The following ISM1 variants were observed in gnomAD, a reference collection of about 807,000 sequenced individuals.
The protein encoded by ISM1 is isthmin 1.
In ISM1, 25 loss-of-function variants were observed where a neutral mutation model predicts 46.3. The observed-to-expected ratio is 0.54, with a 90% CI of 0.39 to 0.75. The LOEUF (loss-of-function observed/expected upper bound fraction) is 0.75. ISM1 is among the 30% of genes least tolerant of loss of function. ISM1 has a pLI of 0.00. For missense variants in ISM1, 536 were observed against 625.4 expected, an observed-to-expected ratio of 0.86 and a Z score of 1.52; for synonymous variants, 255 against 256.7, an observed-to-expected ratio of 0.99 and a Z score of 0.06.
Position 13,279,800 on chromosome 20 carries a change from G to GCAAC in ISM1, c.545_546insCAAC (p.Thr183AsnfsTer26). The GCAAC allele has an allele frequency of 6.2e-7, 1 of 1,614,040 alleles. No individual in the cohort carries two copies. Among genetic ancestry groups the GCAAC allele is most frequent in the Non-Finnish European group, 8.5e-7 (1 of 1,179,894 alleles). On this transcript the variant is annotated frameshift_variant, in exon 3 of 6. Coordinates refer to ENST00000262487, the MANE Select transcript of ISM1 (RefSeq NM_080826.2). LOFTEE classifies it high-confidence loss of function. The stretch of plus-strand genomic sequence containing the variant: ...GGGGACCAGGACTACAAGTACGACA[G>GCAAC]TACCTCAGACGACAGCAACTTCCTC...
intron 1 of ISM1, among the ~76,000 whole-genome samples, chr20:13,232,059 G>A (rs983750803): frequency 6.6e-6 from 1 of 152,214 alleles, no homozygotes. Flanking sequence ...CAAGGACAAA[G>A]AAACAAATAA....
intron 1 of ISM1, among the ~76,000 whole-genome samples, chr20:13,250,380 C>A (rs115901909): frequency 1.3e-5 from 2 of 152,122 alleles, no homozygotes; most frequent in Non-Finnish European, 2.9e-5. Flanking sequence ...GAATTTCACA[C>A]GTACTGAAGA....
chr20:13,315,725 C>T, the ISM1 span, among the ~76,000 whole-genome samples: 1 of 151,924 alleles, frequency 6.6e-6, no homozygotes, highest in African/African-American at 2.4e-5. Context: ...ATGAAATATT[C>T]ACCAGGACAG....
At chr20:13,263,012 T>C (rs1396844283) in intron 1 of ISM1, among the ~76,000 whole-genome samples, 1 of 152,188 alleles carries the variant, frequency 6.6e-6, no homozygotes, top group Non-Finnish European at 1.5e-5. Context: ...TCCTGAATTC[T>C]TGAGCCCATG....
intron 1 of ISM1, among the ~76,000 whole-genome samples, chr20:13,237,174 A>T (rs989856486): frequency 6.6e-6 from 1 of 152,182 alleles, no homozygotes; most frequent in Non-Finnish European, 1.5e-5. Flanking sequence ...ATACAATTCA[A>T]TTGAGATTTG....
At chr20:13,223,935 G>A (rs1440280275) in intron 1 of ISM1, among the ~76,000 whole-genome samples, 3 of 152,030 alleles carry the variant, frequency 2.0e-5, no homozygotes, top group South Asian at 2.1e-4. Flanking sequence ...AGAATAACCC[G>A]GGGTTGGCCT....
chr20:13,289,312 C>T (rs2040327951), intron 4 of ISM1, among the ~76,000 whole-genome samples: 1 of 152,230 alleles, frequency 6.6e-6, no homozygotes, highest in Non-Finnish European at 1.5e-5. Context: ...ATGAGGAAGC[C>T]AGGATGAGAG....
intron 1 of ISM1, among the ~76,000 whole-genome samples, chr20:13,227,803 C>G (rs4813119): frequency 6.6e-6 from 1 of 151,554 alleles, no homozygotes; most frequent in East Asian, 1.9e-4. Flanking sequence ...CCACCGCGCC[C>G]GGCCCCAACT....
intron 1 of ISM1, among the ~76,000 whole-genome samples, chr20:13,264,659 C>G (rs1416067291): frequency 1.3e-5 from 2 of 152,196 alleles, no homozygotes; most frequent in Non-Finnish European, 2.9e-5. Context: ...ACCTTGGTCA[C>G]AAACACAGCC....
chr20:13,309,571 A>G, the ISM1 span, among the ~76,000 whole-genome samples: 1 of 152,234 alleles, frequency 6.6e-6, no homozygotes, highest in African/African-American at 2.4e-5. Flanking sequence ...GCTTATATTC[A>G]GCACAGTTCT....
At chr20:13,325,260 T>TAG in the ISM1 span, among the ~76,000 whole-genome samples, 1 of 152,206 alleles carries the variant, frequency 6.6e-6, no homozygotes, top group Non-Finnish European at 1.5e-5. Flanking sequence ...ATCAAGAAGT[T>TAG]AGAGGTCTCA....
intron 1 of ISM1, among the ~76,000 whole-genome samples, chr20:13,233,432 C>G (rs1424117854): frequency 6.6e-6 from 1 of 151,826 alleles, no homozygotes; most frequent in Non-Finnish European, 1.5e-5. Flanking sequence ...CCCATCTCTA[C>G]TGACAATACA....
chr20:13,221,368 G>C lies in ISM1; in HGVS notation c.-409G>C, dbSNP rs902433223. On this transcript the variant is annotated 5_prime_UTR_variant, in exon 1 of 6. Coordinates refer to ENST00000262487, the MANE Select transcript of ISM1 (RefSeq NM_080826.2). ...GGCGCCCATGTGCGCTCGGGGGCTC[G>C]GCTGCGCCCGCCCCGCCGCCGACCC... 6.1e-5 allele frequency among the ~76,000 whole-genome samples: 9 copies of C among 147,912 alleles called. No individual in the cohort carries two copies. Among genetic ancestry groups the C allele is most frequent in the African/African-American group, 2.0e-4 (8 of 40,774 alleles).
intron 1 of ISM1, among the ~76,000 whole-genome samples, chr20:13,222,913 A>G (rs964135249): frequency 2.6e-5 from 4 of 152,226 alleles, no homozygotes; most frequent in Non-Finnish European, 5.9e-5. Context: ...CTGTGATCCC[A>G]GCACTTTAGC....
At chr20:13,240,245 A>G (rs2039703808) in intron 1 of ISM1, among the ~76,000 whole-genome samples, 1 of 152,266 alleles carries the variant, frequency 6.6e-6, no homozygotes, top group African/African-American at 2.4e-5. Context: ...TAGAAAGAAA[A>G]CTGACAATAA....
intron 1 of ISM1, among the ~76,000 whole-genome samples, chr20:13,262,546 T>C (rs779534110): frequency 6.6e-6 from 1 of 152,090 alleles, no homozygotes; most frequent in Non-Finnish European, 1.5e-5. Context: ...GAATAATTTA[T>C]CCTTCATTTC....
chr20:13,321,253 T>TTAAAAA, the ISM1 span, among the ~76,000 whole-genome samples: 4 of 57,516 alleles, frequency 7.0e-5, 1 homozygote, highest in African/African-American at 3.1e-4. Context: ...GTGCCCCACA[T>TTAAAAA]AAAAAAAAAA....
chr20:13,223,389 C>T (rs1429262957), intron 1 of ISM1, among the ~76,000 whole-genome samples: 1 of 152,116 alleles, frequency 6.6e-6, no homozygotes, highest in Non-Finnish European at 1.5e-5. Flanking sequence ...CAGAATTTAA[C>T]TCACTTAATT....
rs570277086 is a variant in ISM1 at position 13,221,714 on chromosome 20, C to A, written c.-63C>A. The A allele has an allele frequency of 6.1e-6, 8 of 1,317,324 alleles. 1 individual carries two copies. The highest frequency in any genetic ancestry group is 7.2e-5 in the Admixed American group (2 of 27,908). The allele number at this position is 1,317,324 out of a possible 1,614,324, so 81.6% of individuals were successfully genotyped here. ...CTCCCGGGCTCCTACTCCTCCTCCC[C>A]CGGCGTCACCGCCGCCGCCGCCGGC... On this transcript the variant is annotated 5_prime_UTR_variant, in exon 1 of 6. Transcript: ENST00000262487.
Sources: allele counts gnomAD v4.1 joint callset (sites outside exome capture counted in the v4.1 genomes callset), GRCh38; gene constraint gnomAD v4.1.1; transcripts MANE v1.5; gene names NCBI Gene and HGNC (gene_info 2026-07-23, HGNC 2026-07-21).